Variants in MAN1C1 observed in about 807,000 individuals in gnomAD.
The protein encoded by MAN1C1 is mannosyl-oligosaccharide 1,2-alpha-mannosidase IC.
A neutral mutation model predicts 71.5 loss-of-function variants in MAN1C1; 49 were observed. That is an observed-to-expected ratio of 0.69 (90% CI 0.54 to 0.87). The LOEUF (loss-of-function observed/expected upper bound fraction) is 0.87. Ranked by LOEUF, MAN1C1 falls within the 40% of genes least tolerant of loss-of-function variation. The probability of loss-of-function intolerance (pLI) is 0.00; values close to 1 mark genes in which losing one functional copy is unlikely to be tolerated. For synonymous variants in MAN1C1, 352 were observed against 343.7 expected (o/e 1.02, Z -0.27); for missense variants, 743 against 835.0 (o/e 0.89, Z 1.36).
intron 8 of MAN1C1, among the ~76,000 whole-genome samples, chr1:25,772,979 A>G (rs1479515840): frequency 2.6e-5 from 4 of 152,196 alleles, no homozygotes; most frequent in African/African-American, 9.6e-5. Flanking sequence ...TTCAAATGCC[A>G]CTGAAACTAC....
Position 25,640,793 on chromosome 1 carries a change from C to G in MAN1C1, c.540+22456C>G, listed in dbSNP as rs2045526113. Among the ~76,000 whole-genome samples the G allele has an allele frequency of 2.0e-5, 3 of 152,094 alleles. No homozygotes were observed. In the South Asian group the frequency reaches 6.2e-4, roughly 32 times the overall value. ...AGAGGCGGTATTGTGTAATAACTTC[C>G]CTATAATCATGCTAGGATATCTATG... On this transcript the variant is annotated intron_variant, in intron 1 of 11. Coordinates refer to ENST00000374332, the MANE Select transcript of MAN1C1 (RefSeq NM_020379.4).
At chr1:25,740,557 C>T (rs1274430622) in intron 2 of MAN1C1, among the ~76,000 whole-genome samples, 1 of 152,136 alleles carries the variant, frequency 6.6e-6, no homozygotes, top group Non-Finnish European at 1.5e-5. Context: ...CTGTCTCAGC[C>T]TCCCAAGCAG....
rs2047128814 is a variant in MAN1C1 at position 25,746,403 on chromosome 1, C to T, written c.638-265C>T. ...CCCGCTGACCAACAGAAGAGTGGAC[C>T]GAGTCTGGGAAGTGGCTCAGCCTGG... On this transcript the variant is annotated intron_variant, in intron 2 of 11. Transcript: ENST00000374332. The surrounding 1 kb of genome is among the most constrained non-coding windows in gnomAD (Gnocchi z 4.0). 6.6e-6 allele frequency among the ~76,000 whole-genome samples: 1 copy of T among 152,296 alleles called. No homozygotes were observed.
intron 1 of MAN1C1, among the ~76,000 whole-genome samples, chr1:25,626,621 G>T (rs1196937052): frequency 6.6e-6 from 1 of 152,056 alleles, no homozygotes; most frequent in Non-Finnish European, 1.5e-5. Context: ...GCCTCCCAAA[G>T]TGCTGGGATT....
chr1:25,779,452 CAG>C lies in MAN1C1; in HGVS notation c.1477+1132_1477+1133del. On this transcript the variant is annotated intron_variant, in intron 9 of 11. Transcript: ENST00000374332. This position sits in a 1 kb window ranked among gnomAD's most constrained non-coding sequence, Gnocchi z 4.6. ...TCTCCTGGAGCTGTTTCCAGGAAGT[CAG>C]AGATTCGCAATGGGTCTTTAAAACT... Among the ~76,000 whole-genome samples the C allele has an allele frequency of 6.6e-6, 1 of 152,294 alleles. No homozygotes were observed. Among genetic ancestry groups the C allele is most frequent in the African/African-American group, 2.4e-5 (1 of 41,564 alleles).
Position 25,758,830 on chromosome 1 carries a change from G to C in MAN1C1, c.1047+121G>C. On this transcript the variant is annotated intron_variant, in intron 6 of 11. Transcript: ENST00000374332. ...TCAGCAGGAGGGCAGTGGGGAGCCC[G>C]GGAGCCCAAGCTACCACTAAGGTAG... The C allele has an allele frequency of 3.5e-6, 3 of 868,440 alleles. No individual in the cohort carries two copies. In the South Asian group the frequency reaches 4.2e-5, roughly 12 times the overall value. 53.8% of individuals were successfully genotyped at this position (868,440 alleles called of 1,614,324 possible).
chr1:25,627,302 CTCTTT>C (rs1310946524), intron 1 of MAN1C1, among the ~76,000 whole-genome samples: 1 of 151,964 alleles, frequency 6.6e-6, no homozygotes, highest in Admixed American at 6.6e-5. Flanking sequence ...CTCTTCTCTT[CTCTTT>C]TTCTCGCTTT....
chr1:25,703,859 C>T (rs927821233), intron 2 of MAN1C1, among the ~76,000 whole-genome samples: 3 of 152,170 alleles, frequency 2.0e-5, no homozygotes, highest in Non-Finnish European at 4.4e-5. Context: ...GATGTCAGCC[C>T]TGCTTTCCTT....
intron 1 of MAN1C1, among the ~76,000 whole-genome samples, chr1:25,680,172 C>T (rs1363750091): frequency 3.3e-5 from 5 of 152,098 alleles, no homozygotes; most frequent in African/African-American, 1.2e-4. Context: ...AAGAAATTCT[C>T]CTGCCTCAGC....
At chr1:25,628,943 C>T (rs2045339125) in intron 1 of MAN1C1, among the ~76,000 whole-genome samples, 1 of 152,170 alleles carries the variant, frequency 6.6e-6, no homozygotes, top group Non-Finnish European at 1.5e-5. Context: ...TTTCACAGCT[C>T]CGTAGTATTC....
chr1:25,619,651 A>G (rs867103490), intron 1 of MAN1C1, among the ~76,000 whole-genome samples: 7 of 152,326 alleles, frequency 4.6e-5, no homozygotes, highest in African/African-American at 1.4e-4. Context: ...GTGTGTGTGC[A>G]TGTTTGTGTG....
At chr1:25,770,431 C>T (rs1367708522) in intron 7 of MAN1C1, among the ~76,000 whole-genome samples, 1 of 152,186 alleles carries the variant, frequency 6.6e-6, no homozygotes, top group Non-Finnish European at 1.5e-5. Context: ...TCTTTTGGTC[C>T]CTTGGTCCTC....
chr1:25,678,597 C>A (rs2046101697), intron 1 of MAN1C1, among the ~76,000 whole-genome samples: 1 of 152,156 alleles, frequency 6.6e-6, no homozygotes, highest in South Asian at 2.1e-4. Context: ...CTTAGAAACT[C>A]TGGTCTAAGG....
At chr1:25,768,912 CACAT>C (rs1364098149) in intron 7 of MAN1C1, among the ~76,000 whole-genome samples, 2 of 147,292 alleles carry the variant, frequency 1.4e-5, no homozygotes, top group Non-Finnish European at 3.0e-5. Context: ...ACACTTTCCT[CACAT>C]ACACACTCCC....
chr1:25,741,491 G>T (rs2047063612), intron 2 of MAN1C1, among the ~76,000 whole-genome samples: 1 of 152,194 alleles, frequency 6.6e-6, no homozygotes, highest in African/African-American at 2.4e-5. Context: ...GCCAGGATCC[G>T]TGACACCCGG....
intron 7 of MAN1C1, among the ~76,000 whole-genome samples, chr1:25,771,451 G>A (rs776292011): frequency 8.5e-5 from 13 of 152,218 alleles, no homozygotes; most frequent in South Asian, 2.1e-4. Flanking sequence ...CAGGATGAGC[G>A]CTCTCTAGAC....
chr1:25,673,655 G>A (rs2046024386), intron 1 of MAN1C1, among the ~76,000 whole-genome samples: 1 of 152,158 alleles, frequency 6.6e-6, no homozygotes, highest in African/African-American at 2.4e-5. Context: ...AGGATCCAAA[G>A]CCAGGCTCTG....
intron 8 of MAN1C1, among the ~76,000 whole-genome samples, chr1:25,773,203 T>G (rs1238632479): frequency 6.7e-6 from 1 of 149,942 alleles, no homozygotes; most frequent in Non-Finnish European, 1.5e-5. Flanking sequence ...AATGCATGGG[T>G]GCATGAATGC....
intron 6 of MAN1C1, chr1:25,763,503 A>AAC (rs949351061): frequency 5.4e-6 from 1 of 186,524 alleles, no homozygotes; most frequent in African/African-American, 2.4e-5. Flanking sequence ...AAAAAAAAAA[A>AAC]AAAAACCCTC....
Sources: allele counts gnomAD v4.1 joint callset (sites outside exome capture counted in the v4.1 genomes callset), GRCh38; gene constraint gnomAD v4.1.1; non-coding constraint Gnocchi (gnomAD v3.1); transcripts MANE v1.5; gene names NCBI Gene and HGNC (gene_info 2026-07-23, HGNC 2026-07-21).